The following BAZ1B variants were observed in gnomAD, a reference collection of about 807,000 sequenced individuals.
BAZ1B encodes the protein bromodomain adjacent to zinc finger domain 1B.
Under a neutral mutation model 153.8 loss-of-function variants are expected in BAZ1B, and 22 were observed. The observed-to-expected ratio is 0.14, with a 90% CI of 0.10 to 0.20. The LOEUF (loss-of-function observed/expected upper bound fraction) is 0.20. BAZ1B is among the 10% of genes least tolerant of loss of function. BAZ1B has a pLI of 1.00. For missense variants in BAZ1B, 1,325 were observed against 1,799.3 expected (o/e 0.74, Z 4.77); for synonymous variants, 676 against 633.4 (o/e 1.07, Z -1.01).
chr7:73,500,383 C>A (rs551483911), intron 3 of BAZ1B, among the ~76,000 whole-genome samples: 13 of 151,448 alleles, frequency 8.6e-5, no homozygotes, highest in African/African-American at 2.7e-4. Flanking sequence ...ACAAAAAACA[C>A]AAAAAAATTT....
chr7:73,446,989 A>G (rs1009144382), intron 16 of BAZ1B, among the ~76,000 whole-genome samples: 1 of 152,260 alleles, frequency 6.6e-6, no homozygotes, highest in Non-Finnish European at 1.5e-5. Context: ...CAGCCTTGGC[A>G]TAAATATACT....
chr7:73,498,693 C>T lies in BAZ1B; in HGVS notation c.375G>A (p.Gly125=), dbSNP rs1554576695. The change falls in exon 4 of 20, where the codon GGG becomes GGA. Residue 125 remains glycine (G), a synonymous_variant. Coordinates refer to ENST00000339594, the MANE Select transcript of BAZ1B (RefSeq NM_032408.4). The part of the protein sequence containing the change: ...AVGEECDFEV[G]KEKMLKVKIV... ...TCTTCACCTTGAGCATTTTCTCCTT[C>T]CCAACCTATAAAGGAGGTAGTAGAG... The T allele has an allele frequency of 6.2e-7, 1 of 1,613,776 alleles. No homozygotes were observed. The highest frequency in any genetic ancestry group is 2.2e-5 in the East Asian group (1 of 44,866).
At chr7:73,503,125 T>C (rs1790202726) in intron 3 of BAZ1B, among the ~76,000 whole-genome samples, 1 of 152,196 alleles carries the variant, frequency 6.6e-6, no homozygotes, top group Admixed American at 6.6e-5. Context: ...GCAAAAATCC[T>C]TAGTCAAAGG....
rs1554580268 is a variant in BAZ1B at position 73,521,811 on chromosome 7, G to A, written c.107+16C>T. 6.7e-6 allele frequency: 10 copies of A among 1,482,010 alleles called. No homozygotes were observed. The highest frequency in any genetic ancestry group is 1.2e-5 in the South Asian group (1 of 80,506). 91.8% of individuals were successfully genotyped at this position (1,482,010 alleles called of 1,614,324 possible). A position where few individuals can be genotyped will look rare whatever the true frequency, so the allele number is the denominator to read the frequency against. ...CAGCCCGGCCCAGCCCGGCCCGCGC[G>A]GCTGGAAAAGGATACTCCCGGGTGC... On this transcript the variant is annotated intron_variant, in intron 1 of 19. Coordinates refer to ENST00000339594, the MANE Select transcript of BAZ1B (RefSeq NM_032408.4).
intron 12 of BAZ1B, among the ~76,000 whole-genome samples, chr7:73,460,101 A>G (rs1208547598): frequency 6.6e-6 from 1 of 151,832 alleles, no homozygotes; most frequent in Non-Finnish European, 1.5e-5. Context: ...AAGCAGGAGA[A>G]TCACTTGAAC....
chr7:73,492,858 C>T lies in BAZ1B; in HGVS notation c.635G>A (p.Trp212Ter). 6.2e-7 allele frequency: 1 copy of T among 1,609,920 alleles called. No homozygotes were observed. Among genetic ancestry groups the T allele is most frequent in the Non-Finnish European group, 8.5e-7 (1 of 1,178,430 alleles). Residue 212 changes from tryptophan to a stop codon, truncating the protein, a stop_gained, in exon 5 of 20, where the codon TGG (tryptophan) becomes TAG (stop). Coordinates refer to ENST00000339594, the MANE Select transcript of BAZ1B (RefSeq NM_032408.4). LOFTEE classifies it high-confidence loss of function. ...PTSLKKGERK[W>*]APPKFLPHKY... is the part of the protein sequence containing the mutation. ...GTGAGGCAGAAATTTTGGAGGAGCC[C>T]ATTTCCTTTCTCCTTTTTTTAATGA...
chr7:73,492,651 G>A (rs1789698342), intron 5 of BAZ1B, 149 bp downstream of exon 5: 1 of 688,530 alleles, frequency 1.5e-6, no homozygotes, highest in African/African-American at 1.8e-5. Flanking sequence ...TTAACTTGAA[G>A]TCATTAATTA....
chr7:73,443,006 C>A (rs1308406571), intron 17 of BAZ1B, among the ~76,000 whole-genome samples, 178 bp from the exon 18 acceptor site: 1 of 152,222 alleles, frequency 6.6e-6, no homozygotes, highest in Non-Finnish European at 1.5e-5. Flanking sequence ...AGGTGGCAGG[C>A]ATCTTCCCAG....
At chr7:73,462,414 G>A (rs1329599229) in intron 12 of BAZ1B, 2 of 159,776 alleles carry the variant, frequency 1.3e-5, no homozygotes, top group African/African-American at 2.4e-5. Flanking sequence ...ACCTGTTACG[G>A]GGTATGGGAT....
At chr7:73,481,699 A>G (rs782662056) in intron 6 of BAZ1B, among the ~76,000 whole-genome samples, 1 of 151,898 alleles carries the variant, frequency 6.6e-6, no homozygotes, top group Non-Finnish European at 1.5e-5. Flanking sequence ...AGTTCCAGGC[A>G]ACTGCAGGTT....
intron 1 of BAZ1B, among the ~76,000 whole-genome samples, chr7:73,512,540 G>A (rs1421056395): frequency 1.3e-5 from 2 of 152,116 alleles, no homozygotes; most frequent in South Asian, 2.1e-4. Context: ...GACAGTCTTC[G>A]TGAGGGAGAC....
At chr7:73,479,429 A>G (rs966106000) in intron 6 of BAZ1B, among the ~76,000 whole-genome samples, 3 of 147,556 alleles carry the variant, frequency 2.0e-5, no homozygotes, top group South Asian at 2.2e-4. Flanking sequence ...AATTGCTTGA[A>G]CCCGGGAGGA....
At position 73,442,168 on chromosome 7, in the gene BAZ1B, TCAGC is replaced by T; in HGVS notation, c.*15+9_*15+12del. 4.4e-6 allele frequency: 1 copy of T among 227,826 alleles called. No individual in the cohort carries two copies. Among genetic ancestry groups the T allele is most frequent in the South Asian group, 4.4e-5 (1 of 22,510 alleles). The allele number at this position is 227,826 out of a possible 1,614,324, so 14.1% of individuals were successfully genotyped here. On this transcript the variant is annotated intron_variant, in intron 19 of 19. Coordinates refer to ENST00000339594, the MANE Select transcript of BAZ1B (RefSeq NM_032408.4). Reference sequence around the variant, plus strand: ...CACCCTCCCTAGCTGTCCCCCCACCTCAGCTCCCTTACCACGGCCCTGCCTCTCT... The same window carrying T: ...CACCCTCCCTAGCTGTCCCCCCACCTTCCCTTACCACGGCCCTGCCTCTCT...
Position 73,478,222 on chromosome 7 carries a change from A to T in BAZ1B, c.1239T>A (p.Asn413Lys). ...KAKGRSKGILNGQKSTGNSKS... is the reference protein window; with the variant it reads ...KAKGRSKGILKGQKSTGNSKS... ...TGGAATTCCCTGTGGATTTCTGTCC[A>T]TTCAGGATGCCTTTGCTTCTGCCCT... is the stretch of plus-strand genomic sequence containing the variant. The change falls in exon 7 of 20, where the codon AAT (asparagine) becomes AAA (lysine). Residue 413 changes from asparagine (N) to lysine (K), a missense_variant. By Grantham distance (94) the Asn-to-Lys change is moderately conservative (BLOSUM62 0). Transcript: ENST00000339594. The T allele has an allele frequency of 6.2e-7, 1 of 1,614,200 alleles. No individual in the cohort carries two copies.
chr7:73,492,291 T>C (rs2116389539), intron 5 of BAZ1B, among the ~76,000 whole-genome samples: 1 of 152,178 alleles, frequency 6.6e-6, no homozygotes, highest in East Asian at 1.9e-4. Flanking sequence ...GCCTCCTGAG[T>C]AGCTGGGACT....
intron 7 of BAZ1B, among the ~76,000 whole-genome samples, chr7:73,470,944 A>C (rs537233789): frequency 1.6e-4 from 24 of 152,280 alleles, no homozygotes; most frequent in Middle Eastern, 6.8e-3. Flanking sequence ...CATGTTGTCC[A>C]GGCTGGTCTC....
chr7:73,488,962 T>A (rs1554574945), intron 6 of BAZ1B, among the ~76,000 whole-genome samples: 1 of 152,170 alleles, frequency 6.6e-6, no homozygotes, highest in Admixed American at 6.6e-5. Flanking sequence ...ATATAGACTT[T>A]TAAAATTATG....
intron 3 of BAZ1B, among the ~76,000 whole-genome samples, chr7:73,499,680 T>C (rs1389172594): frequency 6.6e-6 from 1 of 152,224 alleles, no homozygotes; most frequent in African/African-American, 2.4e-5. Flanking sequence ...CCGGCCTAGG[T>C]GACAGGGTGA....
At chr7:73,485,811 C>A (rs1789386130) in intron 6 of BAZ1B, among the ~76,000 whole-genome samples, 1 of 152,014 alleles carries the variant, frequency 6.6e-6, no homozygotes, top group African/African-American at 2.4e-5. Context: ...ATTCCAAATG[C>A]CTTAAAGTAT....
Sources: allele counts gnomAD v4.1 joint callset (sites outside exome capture counted in the v4.1 genomes callset), GRCh38; gene constraint gnomAD v4.1.1; transcripts MANE v1.5; gene names NCBI Gene and HGNC (gene_info 2026-07-23, HGNC 2026-07-21).